RNF150: variants seen among roughly 807,000 people sequenced by gnomAD.
The protein encoded by RNF150 is ring finger protein 150.
A neutral mutation model predicts 39.3 loss-of-function variants in RNF150; 24 were observed. The ratio of observed to expected loss-of-function variants is 0.61; its 90% CI spans 0.44 to 0.86. The LOEUF (loss-of-function observed/expected upper bound fraction) is 0.86, where lower values mean the gene tolerates loss of function less well. Ranked by LOEUF, RNF150 falls within the 40% of genes least tolerant of loss-of-function variation. The pLI, the probability that RNF150 is intolerant of heterozygous loss-of-function variation, is 0.00. For missense variants in RNF150, 502 were observed against 587.8 expected (o/e 0.85, Z 1.51); for synonymous variants, 255 against 227.3 (o/e 1.12, Z -1.10).
chr4:140,949,342 T>C lies in RNF150; in HGVS notation c.766A>G (p.Ile256Val). ...RRLGDAAKKA[I>V]SKLQIRTIKK... ...ATGGTCCTGATCTGGAGTTTGCTGA[T>C]GGCTTTCTTTGCTGCATCCCCCAGT... Residue 256 changes from isoleucine (I) to valine (V), a missense_variant, in exon 3 of 7, where the codon ATC (isoleucine) becomes GTC (valine). Coordinates refer to ENST00000515673, the MANE Select transcript of RNF150 (RefSeq NM_020724.2). 4 of 1,613,418 alleles carry C rather than the reference T, an allele frequency of 2.5e-6. No individual in the cohort carries two copies. Among genetic ancestry groups the C allele is most frequent in the Non-Finnish European group, 3.4e-6 (4 of 1,179,592 alleles).
At chr4:141,135,107 C>T (rs979054955), upstream of RNF150, among the ~76,000 whole-genome samples, 1 of 152,016 alleles carries the variant, frequency 6.6e-6, no homozygotes, top group Non-Finnish European at 1.5e-5. Flanking sequence ...AAAATAGGAG[C>T]GAGGTTTCTT....
intron 5 of RNF150, among the ~76,000 whole-genome samples, chr4:140,925,682 G>A (rs1003255314): frequency 2.0e-5 from 3 of 152,088 alleles, no homozygotes; most frequent in Non-Finnish European, 2.9e-5. Flanking sequence ...ATCTGCTGCC[G>A]TCCCACCTGC....
chr4:141,018,409 C>T (rs1488377984), intron 1 of RNF150, among the ~76,000 whole-genome samples: 2 of 152,142 alleles, frequency 1.3e-5, no homozygotes, highest in African/African-American at 4.8e-5. Context: ...ACCATCACAT[C>T]CCTGCTTGTG....
chr4:141,031,847 T>TA (rs1378638106), intron 1 of RNF150, among the ~76,000 whole-genome samples: 1 of 152,004 alleles, frequency 6.6e-6, no homozygotes, highest in Non-Finnish European at 1.5e-5. Flanking sequence ...CAAAGTTCCT[T>TA]AAAAAATTAA....
intron 4 of RNF150, chr4:140,944,710 G>A (rs1003417298): frequency 6.6e-6 from 1 of 152,156 alleles, no homozygotes; most frequent in Non-Finnish European, 1.5e-5. Context: ...CAGTTATGAG[G>A]CCACAGAAAA....
chr4:140,869,692 C>G (rs1474317969), intron 6 of RNF150, among the ~76,000 whole-genome samples: 2 of 152,166 alleles, frequency 1.3e-5, no homozygotes, highest in East Asian at 3.8e-4. Context: ...AATGTCTAAA[C>G]TGAGTCCTAA....
At chr4:141,169,214 T>C (rs1727659180) in intron 1 of RNF150, among the ~76,000 whole-genome samples, 1 of 152,140 alleles carries the variant, frequency 6.6e-6, no homozygotes, top group South Asian at 2.1e-4. Context: ...TCTGGCTGTT[T>C]AAAAGTGTGT....
chr4:141,056,710 C>T (rs1323352865), intron 1 of RNF150, among the ~76,000 whole-genome samples: 2 of 151,596 alleles, frequency 1.3e-5, no homozygotes, highest in African/African-American at 2.4e-5. Context: ...GACATGAAGG[C>T]GTGAGGGAAA....
At chr4:141,160,674 A>G (rs1727494635) in intron 1 of RNF150, among the ~76,000 whole-genome samples, 2 of 152,128 alleles carry the variant, frequency 1.3e-5, no homozygotes, top group African/African-American at 4.8e-5. Flanking sequence ...CTTTGGTACT[A>G]TAGAGTGAGT....
In RNF150 at chr4:140,862,320, A is replaced by T. The variant is rs1728521959; in HGVS notation, c.*5941T>A. 6.6e-6 allele frequency: 1 copy of T among 152,242 alleles called. No individual in the cohort carries two copies. Among genetic ancestry groups the T allele is most frequent in the Non-Finnish European group, 1.5e-5 (1 of 68,054 alleles). The allele number at this position is 152,242 out of a possible 1,614,324, so 9.4% of individuals were successfully genotyped here. Reference sequence around the variant, plus strand: ...GAGCAAATGGCTCTGTATTAAGTGCAAACGTCAGTGGTAGCACAGAATTAG... The same window carrying T: ...GAGCAAATGGCTCTGTATTAAGTGCTAACGTCAGTGGTAGCACAGAATTAG... On this transcript the variant is annotated 3_prime_UTR_variant, in exon 7 of 7. Transcript: ENST00000515673.
chr4:141,136,953 G>T (rs1025412332), upstream of RNF150, among the ~76,000 whole-genome samples: 4 of 152,136 alleles, frequency 2.6e-5, no homozygotes, highest in African/African-American at 9.7e-5. Flanking sequence ...GGCTATTTGG[G>T]GGACTGGTTT....
chr4:140,880,661 G>GAA, intron 6 of RNF150, among the ~76,000 whole-genome samples: 1 of 149,668 alleles, frequency 6.7e-6, no homozygotes, highest in East Asian at 2.0e-4. Flanking sequence ...TTGTTTGTTT[G>GAA]TTTGTTTGTT....
chr4:141,066,251 A>T (rs1737454746), intron 1 of RNF150, among the ~76,000 whole-genome samples: 1 of 152,130 alleles, frequency 6.6e-6, no homozygotes, highest in Non-Finnish European at 1.5e-5. Context: ...GAAAAAAAAA[A>T]AACCATTCCT....
chr4:141,186,199 C>A (rs555647052), intron 1 of RNF150, among the ~76,000 whole-genome samples: 1 of 152,280 alleles, frequency 6.6e-6, no homozygotes, highest in Non-Finnish European at 1.5e-5. Context: ...ATTACTGCCT[C>A]AATTTCAGAA....
At chr4:140,896,721 C>CAAATAA (rs1729970245) in intron 6 of RNF150, among the ~76,000 whole-genome samples, 1 of 56,062 alleles carries the variant, frequency 1.8e-5, no homozygotes, top group African/African-American at 4.9e-5. Context: ...AACAAACAAA[C>CAAATAA]AAAAAAAAAT....
At chr4:140,931,042 T>G (rs1731615480) in intron 4 of RNF150, among the ~76,000 whole-genome samples, 1 of 151,774 alleles carries the variant, frequency 6.6e-6, no homozygotes, top group Non-Finnish European at 1.5e-5. Context: ...ATGGGCTTCA[T>G]GAGTGAATGA....
chr4:140,925,379 G>GTCTC (rs1436290221), intron 5 of RNF150, among the ~76,000 whole-genome samples: 2 of 152,176 alleles, frequency 1.3e-5, no homozygotes, highest in Non-Finnish European at 2.9e-5. Context: ...AAAACATTTA[G>GTCTC]TCTCTGGGGG....
chr4:140,915,949 C>A (rs1263345287), intron 5 of RNF150, among the ~76,000 whole-genome samples: 1 of 152,138 alleles, frequency 6.6e-6, no homozygotes, highest in Non-Finnish European at 1.5e-5. Context: ...CTGGAGTGGA[C>A]CTCCAGTAAA....
At chr4:140,912,744 T>C (rs62345039) in intron 5 of RNF150, among the ~76,000 whole-genome samples, 11,742 of 152,190 alleles carry the variant, frequency 0.077, 516 homozygotes, top group Middle Eastern at 0.11. Context: ...CTTTTTGCCC[T>C]CTCTAGCTAT....
Sources: gnomAD v4.1 joint callset for allele counts (sites outside exome capture counted in the v4.1 genomes callset) on GRCh38, gnomAD v4.1.1 for gene constraint, MANE v1.5 for transcripts, NCBI Gene and HGNC (gene_info 2026-07-23, HGNC 2026-07-21) for gene names.